SMIM31: variants seen among roughly 807,000 people sequenced by gnomAD.
SMIM31 encodes the protein human epithelial cell program regulator.
intron 2 of SMIM31, among the ~76,000 whole-genome samples, chr4:164,773,188 TG>T (rs1732835513): frequency 2.6e-5 from 4 of 151,782 alleles, no homozygotes; most frequent in Admixed American, 2.6e-4. Context: ...AAAAAATGGG[TG>T]AACTTGGTAG....
intron 2 of SMIM31, among the ~76,000 whole-genome samples, chr4:164,771,776 T>G (rs1009651512): frequency 1.3e-5 from 2 of 152,088 alleles, no homozygotes; most frequent in East Asian, 3.8e-4. Flanking sequence ...GCCACTGCAC[T>G]CCAGCCTGAG....
intron 1 of SMIM31, among the ~76,000 whole-genome samples, chr4:164,768,987 A>G (rs9308092): frequency 0.48 from 72,825 of 152,046 alleles, 18,368 homozygotes; most frequent in Admixed American, 0.57. Context: ...TGATTCTGGG[A>G]GCCTCTTTTT....
intron 1 of SMIM31, among the ~76,000 whole-genome samples, chr4:164,761,922 C>CAAATAAATAAATAAAT (rs200368340): frequency 3.4e-5 from 5 of 146,584 alleles, no homozygotes; most frequent in African/African-American, 5.1e-5. Flanking sequence ...GACTCCACCT[C>CAAATAAATAAATAAAT]AAATAAATAA....
chr4:164,791,247 T>C (rs1733096868), intron 2 of SMIM31, among the ~76,000 whole-genome samples: 1 of 152,250 alleles, frequency 6.6e-6, no homozygotes, highest in Admixed American at 6.5e-5. Context: ...TATTTAAATC[T>C]GTTAGACATA....
chr4:164,787,716 A>G (rs1408770259), intron 2 of SMIM31, among the ~76,000 whole-genome samples: 1 of 152,050 alleles, frequency 6.6e-6, no homozygotes, highest in Non-Finnish European at 1.5e-5. Flanking sequence ...TACCTCTTTG[A>G]AAAAAATGTG....
intron 1 of SMIM31, among the ~76,000 whole-genome samples, chr4:164,758,555 T>C (rs539675046): frequency 6.6e-6 from 1 of 151,862 alleles, no homozygotes; most frequent in South Asian, 2.1e-4. Context: ...ATTTTTATCA[T>C]GAAGAGTGTT....
At chr4:164,759,618 T>C (rs1732618871) in intron 1 of SMIM31, among the ~76,000 whole-genome samples, 1 of 152,218 alleles carries the variant, frequency 6.6e-6, no homozygotes, top group Non-Finnish European at 1.5e-5. Context: ...CAATGAGGTA[T>C]CATTCCACCA....
At chr4:164,764,264 T>C (rs1229362670) in intron 1 of SMIM31, among the ~76,000 whole-genome samples, 1 of 151,986 alleles carries the variant, frequency 6.6e-6, no homozygotes, top group Non-Finnish European at 1.5e-5. Context: ...TGGCAGACCA[T>C]TGAGTTAAAA....
At position 164,802,934 on chromosome 4, in the gene SMIM31, T is replaced by C. The variant is rs1007449325; in HGVS notation, c.*1740T>C. ...TTGAGTCTGCTCCAACCTTTCCTTA[T>C]TATATGACCTTGGGCAAAGTACTTA... On this transcript the variant is annotated 3_prime_UTR_variant, in exon 3 of 3. Transcript: ENST00000507311. 1 of 152,168 alleles carries C rather than the reference T, an allele frequency of 6.6e-6. No homozygotes were observed. Among genetic ancestry groups the C allele is most frequent in the Non-Finnish European group, 1.5e-5 (1 of 68,024 alleles). The allele number at this position is 152,168 out of a possible 1,614,324, so 9.4% of individuals were successfully genotyped here.
intron 1 of SMIM31, among the ~76,000 whole-genome samples, chr4:164,768,625 C>G (rs1030441630): frequency 1.3e-5 from 2 of 152,122 alleles, no homozygotes; most frequent in Non-Finnish European, 1.5e-5. Context: ...TTTGCATGAG[C>G]ACAGGGTACT....
chr4:164,786,248 G>GT (rs959347218), intron 2 of SMIM31, among the ~76,000 whole-genome samples: 2 of 152,186 alleles, frequency 1.3e-5, no homozygotes, highest in African/African-American at 2.4e-5. Context: ...CCAGCCAGCA[G>GT]TTACAGCCTT....
chr4:164,774,237 A>T (rs890993370), intron 2 of SMIM31, among the ~76,000 whole-genome samples: 1 of 152,046 alleles, frequency 6.6e-6, no homozygotes, highest in African/African-American at 2.4e-5. Flanking sequence ...ACTTGTATTC[A>T]CTTAATCCAC....
intron 2 of SMIM31, among the ~76,000 whole-genome samples, chr4:164,788,766 G>A (rs555971283): frequency 5.9e-5 from 9 of 151,546 alleles, no homozygotes; most frequent in African/African-American, 1.7e-4. Context: ...GATTACAGGC[G>A]TGAGCCACCA....
intron 2 of SMIM31, among the ~76,000 whole-genome samples, chr4:164,771,530 G>A (rs749389847): frequency 1.6e-4 from 24 of 152,000 alleles, no homozygotes; most frequent in South Asian, 4.1e-4. Flanking sequence ...TGCTGGGCGC[G>A]GTGACTCACG....
chr4:164,787,280 G>A (rs1228259994), intron 2 of SMIM31: 2 of 151,884 alleles, frequency 1.3e-5, no homozygotes, highest in African/African-American at 2.4e-5. Context: ...GATGTTTAGA[G>A]AAAGAAATGG....
intron 2 of SMIM31, among the ~76,000 whole-genome samples, chr4:164,783,167 G>A (rs547559354): frequency 1.4e-5 from 2 of 143,968 alleles, no homozygotes; most frequent in South Asian, 4.4e-4. Context: ...GTGGTGAGCC[G>A]AGATCAGGCC....
chr4:164,754,730 T>C (rs1049108527), intron 1 of SMIM31, among the ~76,000 whole-genome samples: 1 of 151,630 alleles, frequency 6.6e-6, no homozygotes, highest in African/African-American at 2.4e-5. Context: ...TTGTATTTAA[T>C]TCCAAGGTAG....
intron 2 of SMIM31, among the ~76,000 whole-genome samples, chr4:164,771,726 T>C (rs1416392354): frequency 6.6e-6 from 1 of 152,028 alleles, no homozygotes; most frequent in Non-Finnish European, 1.5e-5. Context: ...GGAGAATCAG[T>C]TGAACACAGG....
At chr4:164,800,405 G>A (rs541510533) in intron 2 of SMIM31, among the ~76,000 whole-genome samples, 2 of 151,942 alleles carry the variant, frequency 1.3e-5, no homozygotes, top group African/African-American at 2.4e-5. Context: ...ATGGGATTTC[G>A]CCCTGTTGGC....
Sources: allele counts gnomAD v4.1 joint callset (sites outside exome capture counted in the v4.1 genomes callset), GRCh38; gene constraint gnomAD v4.1.1; transcripts MANE v1.5; gene names NCBI Gene and HGNC (gene_info 2026-07-23, HGNC 2026-07-21).